Variants in DNAH6 observed in about 807,000 individuals in gnomAD.
DNAH6 encodes the protein dynein axonemal heavy chain 6, also known as axonemal beta dynein heavy chain 6.
Under a neutral mutation model 491.4 loss-of-function variants are expected in DNAH6, and 340 were observed. The observed-to-expected ratio is 0.69, with a 90% CI of 0.63 to 0.76. The LOEUF (loss-of-function observed/expected upper bound fraction) is 0.76. Ranked by LOEUF, DNAH6 falls within the 30% of genes least tolerant of loss-of-function variation. The pLI is 0.00. For synonymous variants in DNAH6, 1,603 were observed against 1,686.1 expected (o/e 0.95, Z 1.21); for missense variants, 4,443 against 4,972.2 (o/e 0.89, Z 3.20).
At chr2:84,471,403 T>G in the DNAH6 span, among the ~76,000 whole-genome samples, 1 of 152,142 alleles carries the variant, frequency 6.6e-6, no homozygotes, top group Non-Finnish European at 1.5e-5. Flanking sequence ...CTTTCCCTTT[T>G]ACAAGAGGAC....
intron 13 of DNAH6, among the ~76,000 whole-genome samples, chr2:84,578,125 GA>G (rs1682652305): frequency 6.6e-6 from 1 of 152,110 alleles, no homozygotes; most frequent in Non-Finnish European, 1.5e-5. Flanking sequence ...GGCCCTTATA[GA>G]AAACATTTTC....
In DNAH6 at chr2:84,781,473, G is replaced by A. The variant is rs560193394; in HGVS notation, c.10704-20G>A. 959 of 1,536,922 alleles carry A rather than the reference G, an allele frequency of 6.2e-4. No individual in the cohort carries two copies. The highest frequency in any genetic ancestry group is 7.9e-4 in the Non-Finnish European group (898 of 1,137,238). The stretch of plus-strand genomic sequence containing the variant: ...TTAAAATAGCATAAGATGATATTGT[G>A]TTCTTGCTGTTCAATTCAGGGTGCA... On this transcript the variant is annotated intron_variant, in intron 64 of 76. Transcript: ENST00000389394.
chr2:84,596,683 T>G (rs1364441623), intron 18 of DNAH6, among the ~76,000 whole-genome samples: 1 of 149,608 alleles, frequency 6.7e-6, no homozygotes, highest in Non-Finnish European at 1.5e-5. Context: ...AAAAAACAAA[T>G]GTGGAGAAGA....
intron 37 of DNAH6, among the ~76,000 whole-genome samples, chr2:84,666,901 A>T (rs1185911056): frequency 6.6e-6 from 1 of 152,178 alleles, no homozygotes; most frequent in East Asian, 1.9e-4. Context: ...CAAAACAGAG[A>T]TATAGACCAA....
At chr2:84,808,137 G>A (rs866476568) in intron 71 of DNAH6, among the ~76,000 whole-genome samples, 3,547 of 142,708 alleles carry the variant, frequency 0.025, 64 homozygotes, top group Non-Finnish European at 0.037. Context: ...ATATATGTGT[G>A]TGTGTGTGTG....
chr2:84,678,812 A>T (rs936554325), intron 41 of DNAH6, among the ~76,000 whole-genome samples: 2 of 152,190 alleles, frequency 1.3e-5, no homozygotes, highest in African/African-American at 4.8e-5. Context: ...CTATAAGGGG[A>T]AATAGAAATG....
chr2:84,525,752 A>G lies in DNAH6; in HGVS notation c.399+14A>G. On this transcript the variant is annotated intron_variant, in intron 3 of 76. Transcript: ENST00000389394. The stretch of plus-strand genomic sequence containing the variant: ...AAAAAAATGCAGGTATAATATTAAA[A>G]TACTTAATTGATTCTTTTAACTTAA... 3 of 1,514,654 alleles carry G rather than the reference A, an allele frequency of 2.0e-6. No homozygotes were observed. The highest frequency in any genetic ancestry group is 2.7e-6 in the Non-Finnish European group (3 of 1,126,224). The allele number at this position is 1,514,654 out of a possible 1,614,324, so 93.8% of individuals were successfully genotyped here.
the DNAH6 span, among the ~76,000 whole-genome samples, chr2:84,472,335 A>G: frequency 6.6e-6 from 1 of 152,024 alleles, no homozygotes; most frequent in Non-Finnish European, 1.5e-5. Context: ...CCATGGCTTT[A>G]CTACACTATC....
intron 57 of DNAH6, among the ~76,000 whole-genome samples, chr2:84,714,043 TC>T (rs1275516108): frequency 6.6e-6 from 1 of 151,950 alleles, no homozygotes; most frequent in Non-Finnish European, 1.5e-5. Context: ...CCCACCAAGC[TC>T]CCACGGGAGT....
At chr2:84,502,117 A>G in the DNAH6 span, among the ~76,000 whole-genome samples, 5 of 151,984 alleles carry the variant, frequency 3.3e-5, no homozygotes, top group East Asian at 9.6e-4. Context: ...GCATCATTAG[A>G]TTGTTTATTT....
chr2:84,624,922 C>A lies in DNAH6; in HGVS notation c.4374C>A (p.Leu1458=). The change falls in exon 29 of 77, where the codon CTC becomes CTA. Residue 1458 remains leucine, a synonymous_variant. Coordinates refer to ENST00000389394, the MANE Select transcript of DNAH6 (RefSeq NM_001370.2). ...TTCAGGATCGCTGCTATCTTTGCCT[C>A]ATGGGAGCTTTGCAGCTTGACCTTG... The part of the protein sequence containing the change: ...TPLTDRCYLC[L]MGALQLDLGG... The A allele has an allele frequency of 6.4e-7, 1 of 1,550,750 alleles. No homozygotes were observed. The highest frequency in any genetic ancestry group is 8.7e-7 in the Non-Finnish European group (1 of 1,146,560).
intron 4 of DNAH6, among the ~76,000 whole-genome samples, chr2:84,540,944 G>T (rs771800822): frequency 6.6e-6 from 1 of 152,240 alleles, no homozygotes; most frequent in Non-Finnish European, 1.5e-5. Flanking sequence ...TAGTTAACTA[G>T]ATCCTAAAGT....
chr2:84,652,789 A>G lies in DNAH6; in HGVS notation c.5079-530A>G, dbSNP rs192705447. On this transcript the variant is annotated intron_variant, in intron 33 of 76. Transcript: ENST00000389394. ...CATACTAACTGTTTCCTATAGAAAT[A>G]GTCACATTTTTCCTTCCTTCTTGCA... 8.5e-5 allele frequency among the ~76,000 whole-genome samples: 13 copies of G among 152,210 alleles called. No individual in the cohort carries two copies. The East Asian group carries it at 2.5e-3, about 29-fold the overall frequency.
At chr2:84,803,737 C>T (rs961683780) in intron 70 of DNAH6, among the ~76,000 whole-genome samples, 12 of 151,758 alleles carry the variant, frequency 7.9e-5, no homozygotes, top group African/African-American at 2.2e-4. Context: ...TTAATTCTTG[C>T]GAAGACATAG....
chr2:84,706,805 A>G lies in DNAH6; in HGVS notation c.8728-91A>G, dbSNP rs370092426. On this transcript the variant is annotated intron_variant, in intron 52 of 76. Transcript: ENST00000389394. ...TCTTTTTGGACATGAAAAGAGGAAC[A>G]TATATAAAATTTTTTTTAGATCTGT... The G allele has an allele frequency of 6.9e-5, 97 of 1,410,832 alleles. 1 individual carries two copies. The East Asian group carries it at 9.5e-4, about 14-fold the overall frequency. 87.4% of individuals were successfully genotyped at this position (1,410,832 alleles called of 1,614,324 possible).
At chr2:84,659,275 C>T (rs1171242929) in intron 37 of DNAH6, 106 bp downstream of exon 37, 1 of 604,726 alleles carries the variant, frequency 1.7e-6, no homozygotes, top group Non-Finnish European at 2.5e-6. Flanking sequence ...AACTTATACA[C>T]TAAACTGGTT....
At chr2:84,467,050 G>T in the DNAH6 span, among the ~76,000 whole-genome samples, 1 of 152,156 alleles carries the variant, frequency 6.6e-6, no homozygotes, top group Non-Finnish European at 1.5e-5. Flanking sequence ...TCATAAGCAG[G>T]TTTTTGCTCT....
chr2:84,799,369 C>T (rs1678667391), intron 70 of DNAH6, among the ~76,000 whole-genome samples: 1 of 152,230 alleles, frequency 6.6e-6, no homozygotes, highest in South Asian at 2.1e-4. Flanking sequence ...AATGCCTGGG[C>T]TGGCTCAGTG....
intron 62 of DNAH6, among the ~76,000 whole-genome samples, chr2:84,737,558 G>T (rs1699621390): frequency 6.6e-6 from 1 of 151,906 alleles, no homozygotes; most frequent in South Asian, 2.1e-4. Flanking sequence ...AATCTTGGGA[G>T]GTTGTGTGTT....
Sources: gnomAD v4.1 joint callset for allele counts (sites outside exome capture counted in the v4.1 genomes callset) on GRCh38, gnomAD v4.1.1 for gene constraint, MANE v1.5 for transcripts, NCBI Gene and HGNC (gene_info 2026-07-23, HGNC 2026-07-21) for gene names.